ZNHIT6: variants seen among roughly 807,000 people sequenced by gnomAD.
The protein encoded by ZNHIT6 is box C/D snoRNA protein 1.
A neutral mutation model predicts 57.2 loss-of-function variants in ZNHIT6; 45 were observed. That is an observed-to-expected ratio of 0.79 (90% CI 0.62 to 1.01). The LOEUF (loss-of-function observed/expected upper bound fraction) is 1.01, where lower values mean the gene tolerates loss of function less well. Among genes scored for constraint, ZNHIT6 ranks in the 50% least tolerant of loss-of-function variants. The pLI, the probability that ZNHIT6 is intolerant of heterozygous loss-of-function variation, is 0.00. For synonymous variants in ZNHIT6, 188 were observed against 190.0 expected (o/e 0.99, Z 0.09); for missense variants, 528 against 567.3 (o/e 0.93, Z 0.70).
chr1:85,689,805 G>C (rs1189792296), intron 5 of ZNHIT6, among the ~76,000 whole-genome samples: 1 of 152,042 alleles, frequency 6.6e-6, no homozygotes, highest in Non-Finnish European at 1.5e-5. Flanking sequence ...TAGTAGGTAG[G>C]GGGCAAGGAA....
At chr1:85,684,717 TAGAA>T (rs1661974907) in intron 5 of ZNHIT6, among the ~76,000 whole-genome samples, 1 of 152,142 alleles carries the variant, frequency 6.6e-6, no homozygotes, top group African/African-American at 2.4e-5. Flanking sequence ...TTTACAAAAA[TAGAA>T]AGAAAAGGGA....
chr1:85,691,433 T>A (rs143969446), intron 5 of ZNHIT6, among the ~76,000 whole-genome samples: 3 of 152,320 alleles, frequency 2.0e-5, no homozygotes, highest in African/African-American at 7.2e-5. Context: ...GGCTACGGAA[T>A]GGAGTACAGA....
chr1:85,662,759 G>A (rs1661261024), intron 8 of ZNHIT6, among the ~76,000 whole-genome samples: 1 of 152,124 alleles, frequency 6.6e-6, no homozygotes, highest in Admixed American at 6.5e-5. Flanking sequence ...GACGATACCT[G>A]CTTGACATGG....
intron 8 of ZNHIT6, among the ~76,000 whole-genome samples, chr1:85,674,206 A>G (rs992194275): frequency 6.6e-6 from 1 of 152,204 alleles, no homozygotes; most frequent in Non-Finnish European, 1.5e-5. Context: ...GTTCGAGTCA[A>G]TAGCAAAAAT....
At chr1:85,698,989 C>T (rs1197713291) in intron 5 of ZNHIT6, among the ~76,000 whole-genome samples, 1 of 151,918 alleles carries the variant, frequency 6.6e-6, no homozygotes, top group African/African-American at 2.4e-5. Context: ...TCATTTAATC[C>T]TCTCAATAAC....
intron 8 of ZNHIT6, among the ~76,000 whole-genome samples, chr1:85,675,060 G>A (rs1225738030): frequency 6.6e-6 from 1 of 152,164 alleles, no homozygotes; most frequent in African/African-American, 2.4e-5. Context: ...CAGGGTTTTT[G>A]AGAAGAGCTG....
intron 4 of ZNHIT6, among the ~76,000 whole-genome samples, chr1:85,704,991 G>T (rs765303327): frequency 2.0e-4 from 31 of 152,078 alleles, no homozygotes; most frequent in African/African-American, 7.5e-4. Flanking sequence ...CTTCAAAATC[G>T]CAATCTAATC....
rs781098755 is a variant in ZNHIT6, at chr1:85,707,736, T to C, written c.549A>G (p.Lys183=). ...KEELMHGECV[K]EEKDFLKKEI... ...CTTTCTTCAGGAAATCCTTCTCTTC[T>C]TTTACACACTCTCCATGCATCAATT... Residue 183 remains lysine (K), a synonymous_variant, in exon 1 of 10, where the codon AAA becomes AAG. Transcript: ENST00000370574. 1 of 1,613,776 alleles carries C rather than the reference T, an allele frequency of 6.2e-7. No individual in the cohort carries two copies. The highest frequency in any genetic ancestry group is 8.5e-7 in the Non-Finnish European group (1 of 1,179,884).
chr1:85,703,489 A>G (rs955043571), intron 4 of ZNHIT6, among the ~76,000 whole-genome samples: 16 of 152,186 alleles, frequency 1.1e-4, no homozygotes, highest in Non-Finnish European at 2.1e-4. Context: ...TGACCCAAGC[A>G]TATAGGGATG....
intron 8 of ZNHIT6, among the ~76,000 whole-genome samples, chr1:85,670,540 T>C (rs2100664674): frequency 6.6e-6 from 1 of 152,234 alleles, no homozygotes; most frequent in South Asian, 2.1e-4. Flanking sequence ...CTGCAGGAAA[T>C]ATAAAAATGA....
chr1:85,688,909 C>G (rs1449174890), intron 5 of ZNHIT6, among the ~76,000 whole-genome samples: 21 of 152,176 alleles, frequency 1.4e-4, no homozygotes, highest in Admixed American at 1.4e-3. Context: ...AGTCCATCTA[C>G]CTCTGAACAT....
At chr1:85,672,625 G>A (rs1459595610) in intron 8 of ZNHIT6, among the ~76,000 whole-genome samples, 3 of 151,972 alleles carry the variant, frequency 2.0e-5, no homozygotes, top group African/African-American at 7.2e-5. Flanking sequence ...CTTAGACATA[G>A]GTTTCTTATG....
chr1:85,672,579 T>A (rs895713255), intron 8 of ZNHIT6, among the ~76,000 whole-genome samples: 5 of 152,158 alleles, frequency 3.3e-5, no homozygotes, highest in African/African-American at 1.2e-4. Flanking sequence ...TCTGATGACA[T>A]GAGGATACCT....
intron 7 of ZNHIT6, among the ~76,000 whole-genome samples, chr1:85,677,623 A>T (rs1366876274): frequency 2.0e-5 from 3 of 152,238 alleles, no homozygotes; most frequent in African/African-American, 7.2e-5. Context: ...GATAATAACT[A>T]GGTTACCAGT....
intron 1 of ZNHIT6, 88 bp downstream of exon 1, chr1:85,707,541 C>T: frequency 4.3e-6 from 6 of 1,394,918 alleles, no homozygotes; most frequent in South Asian, 1.6e-5. Flanking sequence ...TTCATTATTC[C>T]ACCTTCTCCT....
chr1:85,707,345 C>G (rs1424209856), intron 1 of ZNHIT6, among the ~76,000 whole-genome samples: 2 of 152,160 alleles, frequency 1.3e-5, no homozygotes, highest in African/African-American at 4.8e-5. Context: ...CAAGCCAGAT[C>G]CAGTTCCAAC....
intron 5 of ZNHIT6, among the ~76,000 whole-genome samples, chr1:85,687,968 C>T (rs893232547): frequency 3.3e-5 from 5 of 150,840 alleles, no homozygotes; most frequent in East Asian, 2.0e-4. Flanking sequence ...GCTTGAACCC[C>T]GGAGACAGAG....
rs1003537135 is a variant in ZNHIT6, at chr1:85,653,118, G to T, written c.*940C>A. The T allele has an allele frequency of 6.6e-6, 1 of 152,156 alleles. No individual in the cohort carries two copies. Among genetic ancestry groups the T allele is most frequent in the African/African-American group, 2.4e-5 (1 of 41,426 alleles). 9.4% of individuals were successfully genotyped at this position (152,156 alleles called of 1,614,324 possible). A position where few individuals can be genotyped will look rare whatever the true frequency, so the allele number is the denominator to read the frequency against. ...GGCTAGGAATGTGATGAAAGGCACA[G>T]AATTCATAAGACTTGAGTAAGTAGA... On this transcript the variant is annotated 3_prime_UTR_variant, in exon 10 of 10. Transcript: ENST00000370574.
intron 8 of ZNHIT6, among the ~76,000 whole-genome samples, chr1:85,669,004 G>A (rs906208034): frequency 2.0e-5 from 3 of 152,042 alleles, no homozygotes; most frequent in African/African-American, 7.3e-5. Flanking sequence ...AAAAAATGTA[G>A]GTTTCTGGGT....
Sources: gnomAD v4.1 joint callset for allele counts (sites outside exome capture counted in the v4.1 genomes callset) on GRCh38, gnomAD v4.1.1 for gene constraint, MANE v1.5 for transcripts, NCBI Gene and HGNC (gene_info 2026-07-23, HGNC 2026-07-21) for gene names.